Variants in RBFOX1 observed in about 807,000 individuals in gnomAD.
RBFOX1 encodes the protein RNA binding protein fox-1 homolog 1.
In RBFOX1, 8 loss-of-function variants were observed where a neutral mutation model predicts 57.7. That is an observed-to-expected ratio of 0.14 (90% CI 0.08 to 0.25). The LOEUF (loss-of-function observed/expected upper bound fraction) is 0.25, where lower values mean the gene tolerates loss of function less well. Among genes scored for constraint, RBFOX1 ranks in the 10% least tolerant of loss-of-function variants. The probability of loss-of-function intolerance (pLI) is 1.00; values close to 1 mark genes in which losing one functional copy is unlikely to be tolerated. For synonymous variants in RBFOX1, 326 were observed against 222.4 expected, an observed-to-expected ratio of 1.47 and a Z score of -4.15; for missense variants, 611 against 548.5, an observed-to-expected ratio of 1.11 and a Z score of -1.14.
At chr16:7,340,722 G>T (rs567907835) in intron 4 of RBFOX1, among the ~76,000 whole-genome samples, 6 of 152,130 alleles carry the variant, frequency 3.9e-5, no homozygotes, top group Non-Finnish European at 7.3e-5. Flanking sequence ...TTGTCATGAC[G>T]TAGACCTCCC....
At chr16:6,892,115 C>T (rs116228102) in intron 3 of RBFOX1, among the ~76,000 whole-genome samples, 1 of 152,130 alleles carries the variant, frequency 6.6e-6, no homozygotes, top group Non-Finnish European at 1.5e-5. Context: ...TTGACTCTTA[C>T]CCAAGTCCCC....
At chr16:6,654,560 C>A (rs963356883) in intron 2 of RBFOX1, 43 bp from the exon 3 acceptor site, 3 of 1,445,878 alleles carry the variant, frequency 2.1e-6, no homozygotes, top group South Asian at 1.3e-5. Context: ...AAGTCTGACT[C>A]CTGTTCTTTC....
chr16:7,178,995 G>A (rs528039502), intron 4 of RBFOX1, among the ~76,000 whole-genome samples: 8 of 152,172 alleles, frequency 5.3e-5, no homozygotes, highest in South Asian at 2.1e-4. Context: ...TGCATATGGC[G>A]GGTGATAAAC....
intron 10 of RBFOX1, among the ~76,000 whole-genome samples, chr16:7,612,804 A>G (rs900947786): frequency 2.0e-5 from 3 of 152,208 alleles, no homozygotes; most frequent in African/African-American, 7.2e-5. Context: ...CTCAATTGCC[A>G]GTAAAATACA....
At position 5,792,718 on chromosome 16, in the gene RBFOX1, C is replaced by T. The variant is rs184587980; in HGVS notation, c.319-74585C>T. Among the ~76,000 whole-genome samples, 456 of 152,238 alleles carry T rather than the reference C, an allele frequency of 3.0e-3. 2 individuals carry two copies. Among genetic ancestry groups the T allele is most frequent in the Middle Eastern group, 0.014 (4 of 294 alleles). Reference sequence around the variant, plus strand: ...ACTAGCCGGGCATGGTGGCATGTGCCTGTCATCCCAGCTACTCAGGAGGCT... The same window carrying T: ...ACTAGCCGGGCATGGTGGCATGTGCTTGTCATCCCAGCTACTCAGGAGGCT... On this transcript the variant is annotated intron_variant, in intron 3 of 19. Coordinates refer to the RBFOX1 transcript ENST00000641259.
chr16:6,492,343 G>A (rs932387717), intron 2 of RBFOX1, among the ~76,000 whole-genome samples: 5 of 152,192 alleles, frequency 3.3e-5, no homozygotes, highest in Non-Finnish European at 2.9e-5. Flanking sequence ...GCCAAGGAAG[G>A]AGGATCATGA....
chr16:6,920,892 G>C (rs1458208818), intron 3 of RBFOX1, among the ~76,000 whole-genome samples: 2 of 152,198 alleles, frequency 1.3e-5, no homozygotes, highest in African/African-American at 4.8e-5. Flanking sequence ...CACATTCACT[G>C]ATATCAGGGA....
At chr16:6,658,528 G>C (rs562037148) in intron 3 of RBFOX1, among the ~76,000 whole-genome samples, 1 of 152,176 alleles carries the variant, frequency 6.6e-6, no homozygotes, top group South Asian at 2.1e-4. Flanking sequence ...TCTTGTTGTA[G>C]AGCAATAAAA....
chr16:7,095,133 A>G (rs1202986845), intron 4 of RBFOX1, among the ~76,000 whole-genome samples: 1 of 151,752 alleles, frequency 6.6e-6, no homozygotes, highest in Non-Finnish European at 1.5e-5. Flanking sequence ...TTCTTTTGAG[A>G]TGGAGACCCA....
chr16:6,509,797 C>T (rs2096210464), intron 2 of RBFOX1, among the ~76,000 whole-genome samples: 1 of 152,086 alleles, frequency 6.6e-6, no homozygotes, highest in South Asian at 2.1e-4. Context: ...TCTCATGTAA[C>T]TCATAAATAT....
At chr16:7,120,402 C>T (rs886273448) in intron 4 of RBFOX1, among the ~76,000 whole-genome samples, 7 of 151,862 alleles carry the variant, frequency 4.6e-5, no homozygotes, top group Non-Finnish European at 1.0e-4. Flanking sequence ...TCTTTCAAAG[C>T]ATAGAAGTGA....
chr16:5,665,193 C>G (rs925000797), intron 3 of RBFOX1, among the ~76,000 whole-genome samples: 8 of 151,268 alleles, frequency 5.3e-5, no homozygotes, highest in Admixed American at 2.0e-4. Context: ...TCAGGCGATC[C>G]TCCCACCTTA....
intron 3 of RBFOX1, among the ~76,000 whole-genome samples, chr16:6,982,613 G>C (rs1357015553): frequency 1.3e-5 from 2 of 152,322 alleles, no homozygotes; most frequent in South Asian, 2.1e-4. Context: ...TGTACCAGGA[G>C]CTGAGCAAAG....
intron 3 of RBFOX1, among the ~76,000 whole-genome samples, chr16:6,734,092 C>T (rs186308928): frequency 5.9e-5 from 9 of 152,270 alleles, no homozygotes; most frequent in Admixed American, 5.2e-4. Flanking sequence ...GTATGAAATT[C>T]CAGTCTTATT....
chr16:7,493,419 C>G (rs2067575540), intron 4 of RBFOX1, among the ~76,000 whole-genome samples: 1 of 152,212 alleles, frequency 6.6e-6, no homozygotes, highest in African/African-American at 2.4e-5. Flanking sequence ...ATCATAATCA[C>G]TGGAACCTGC....
At chr16:7,427,392 T>A (rs975822841) in intron 4 of RBFOX1, among the ~76,000 whole-genome samples, 1 of 152,158 alleles carries the variant, frequency 6.6e-6, no homozygotes, top group Non-Finnish European at 1.5e-5. Context: ...ACCCCCAAGT[T>A]TGAGAGCCCC....
intron 3 of RBFOX1, among the ~76,000 whole-genome samples, chr16:5,638,042 G>T (rs566443484): frequency 5.3e-5 from 8 of 152,166 alleles, no homozygotes; most frequent in Non-Finnish European, 1.2e-4. Flanking sequence ...CATCTCATAC[G>T]GGAGTTCCTT....
chr16:5,335,706 A>G (rs186441931), intron 1 of RBFOX1, among the ~76,000 whole-genome samples: 143 of 152,248 alleles, frequency 9.4e-4, no homozygotes, highest in African/African-American at 3.3e-3. Flanking sequence ...CTCCCAGTAG[A>G]TCATAAGCTT....
At chr16:7,611,009 G>A (rs759297635) in intron 10 of RBFOX1, among the ~76,000 whole-genome samples, 6 of 152,132 alleles carry the variant, frequency 3.9e-5, no homozygotes, top group Non-Finnish European at 8.8e-5. Flanking sequence ...TTAGTAGGCT[G>A]GCTCTGTATC....
Sources: gnomAD v4.1 joint callset for allele counts (sites outside exome capture counted in the v4.1 genomes callset) on GRCh38, gnomAD v4.1.1 for gene constraint, MANE v1.5 for transcripts, NCBI Gene and HGNC (gene_info 2026-07-23, HGNC 2026-07-21) for gene names.